Variants in PCDH15 observed in about 807,000 individuals in gnomAD.
The protein encoded by PCDH15 is protocadherin-15.
Under a neutral mutation model 178.5 loss-of-function variants are expected in PCDH15, and 129 were observed. The observed-to-expected ratio is 0.72, with a 90% CI of 0.63 to 0.84. The LOEUF is 0.84. PCDH15 is among the 40% of genes least tolerant of loss of function. The pLI is 0.00. For missense variants in PCDH15, 2,230 were observed against 2,099.9 expected (o/e 1.06, Z -1.21); for synonymous variants, 800 against 732.0 (o/e 1.09, Z -1.50).
chr10:55,295,570 T>A (rs559088478), intron 1 of PCDH15, among the ~76,000 whole-genome samples: 5 of 152,164 alleles, frequency 3.3e-5, no homozygotes, highest in African/African-American at 4.8e-5. Context: ...TAATGAAAAA[T>A]GATTTACCTA....
intron 2 of PCDH15, among the ~76,000 whole-genome samples, chr10:55,355,447 G>T (rs1185773390): frequency 6.6e-6 from 1 of 151,926 alleles, no homozygotes; most frequent in Non-Finnish European, 1.5e-5. Flanking sequence ...ATAAGTATGT[G>T]ATGGTGCCGC....
intron 18 of PCDH15, among the ~76,000 whole-genome samples, chr10:54,032,890 T>C (rs12781065): frequency 0.43 from 65,366 of 151,536 alleles, 14,860 homozygotes; most frequent in Middle Eastern, 0.61. Flanking sequence ...GCAACTTCTT[T>C]ACCTGGTGAC....
chr10:55,264,648 C>A (rs914093139), intron 1 of PCDH15, among the ~76,000 whole-genome samples: 1 of 152,246 alleles, frequency 6.6e-6, no homozygotes. Flanking sequence ...GTAACCAGTT[C>A]TCTTCACCAC....
In PCDH15 at chr10:54,664,220, T is replaced by C. The variant is rs1432539502; in HGVS notation, c.43A>G (p.Ile15Val). 5 of 1,612,168 alleles carry C rather than the reference T, an allele frequency of 3.1e-6. No individual in the cohort carries two copies. The highest frequency in any genetic ancestry group is 1.3e-5 in the African/African-American group (1 of 74,836). Residue 15 changes from isoleucine to valine, a missense_variant, in exon 2 of 38, where the codon ATC becomes GTC. Coordinates refer to ENST00000644397, the MANE Select transcript of PCDH15 (RefSeq NM_001384140.1). ...ATTTCAAAGAGAGAGCCCAGGATGATCCCTGAAGCTAAACATGTCCAGAGA... is the reference window on the plus strand; with the variant it reads ...ATTTCAAAGAGAGAGCCCAGGATGACCCCTGAAGCTAAACATGTCCAGAGA... The part of the protein sequence containing the change: ...FYLWTCLASG[I>V]ILGSLFEICL...
intron 3 of PCDH15, among the ~76,000 whole-genome samples, chr10:54,856,722 C>T (rs1953748324): frequency 6.6e-6 from 1 of 152,144 alleles, no homozygotes; most frequent in Non-Finnish European, 1.5e-5. Flanking sequence ...CTAGACCTGA[C>T]ATGTGCTTCA....
At chr10:53,968,987 A>C (rs1024788736) in intron 21 of PCDH15, among the ~76,000 whole-genome samples, 2 of 152,194 alleles carry the variant, frequency 1.3e-5, no homozygotes, top group African/African-American at 4.8e-5. Flanking sequence ...CAATGGAACA[A>C]AGCTGGATGG....
At chr10:54,423,365 A>C (rs2135875666) in intron 3 of PCDH15, among the ~76,000 whole-genome samples, 1 of 150,568 alleles carries the variant, frequency 6.6e-6, no homozygotes, top group South Asian at 2.1e-4. Flanking sequence ...GAATGGATTA[A>C]GAATCTGACA....
At chr10:55,334,330 A>T (rs185246509) in intron 2 of PCDH15, among the ~76,000 whole-genome samples, 22 of 141,418 alleles carry the variant, frequency 1.6e-4, no homozygotes, top group African/African-American at 5.9e-4. Context: ...TTTTTGAGAC[A>T]GAGTTTCGCT....
chr10:54,777,697 T>C (rs1566213889), intron 1 of PCDH15, among the ~76,000 whole-genome samples: 1 of 152,186 alleles, frequency 6.6e-6, no homozygotes, highest in African/African-American at 2.4e-5. Context: ...TAAACTTTCA[T>C]TCAGAGTTTT....
Position 53,806,645 on chromosome 10 carries a change from CTGTG to C in PCDH15, c.5153_5156del (p.Thr1718SerfsTer19), listed in dbSNP as rs757650846. The C allele has an allele frequency of 6.2e-7, 1 of 1,613,740 alleles. No homozygotes were observed. The highest frequency in any genetic ancestry group is 1.1e-5 in the South Asian group (1 of 91,074). ...CCATCCAAAGCTCTTCATCATCAGA[CTGTG>C]TGTGGTCACTATGAAATTCCAAAGC... On this transcript the variant is annotated frameshift_variant, in exon 38 of 38. Coordinates refer to ENST00000644397, the MANE Select transcript of PCDH15 (RefSeq NM_001384140.1). LOFTEE classifies it high-confidence loss of function.
chr10:54,700,553 T>C (rs956638702), intron 1 of PCDH15, among the ~76,000 whole-genome samples: 1 of 152,044 alleles, frequency 6.6e-6, no homozygotes, highest in Non-Finnish European at 1.5e-5. Flanking sequence ...AAAACTCACT[T>C]CAATAATTTC....
chr10:53,912,318 C>T (rs2133786118), intron 25 of PCDH15, among the ~76,000 whole-genome samples: 1 of 152,256 alleles, frequency 6.6e-6, no homozygotes, highest in South Asian at 2.1e-4. Context: ...GTATTTCTGA[C>T]AAATCCACAG....
In PCDH15 at chr10:55,466,312, T is replaced by C. The variant is rs1033997188; in HGVS notation, c.-156+161313A>G. Among the ~76,000 whole-genome samples, 5 of 152,132 alleles carry C rather than the reference T, an allele frequency of 3.3e-5. No homozygotes were observed. The East Asian group carries it at 7.7e-4, about 23-fold the overall frequency. ...GATATCTACTTTGGCCTAACTTTTA[T>C]GTTAAAATTCATAGATCATATAGAG... On this transcript the variant is annotated intron_variant, in intron 2 of 5. Coordinates refer to the PCDH15 transcript ENST00000613346.
At chr10:54,476,264 C>T (rs554087548) in intron 3 of PCDH15, among the ~76,000 whole-genome samples, 1 of 151,862 alleles carries the variant, frequency 6.6e-6, no homozygotes, top group Non-Finnish European at 1.5e-5. Context: ...ACTCAAGGCC[C>T]CTCATGCTGC....
At chr10:55,400,343 G>A (rs1838032628) in intron 2 of PCDH15, among the ~76,000 whole-genome samples, 1 of 152,032 alleles carries the variant, frequency 6.6e-6, no homozygotes, top group South Asian at 2.1e-4. Flanking sequence ...AAAATGTGAT[G>A]GACAAGTTAT....
intron 1 of PCDH15, among the ~76,000 whole-genome samples, chr10:55,318,332 C>CA: frequency 6.6e-6 from 1 of 152,142 alleles, no homozygotes; most frequent in African/African-American, 2.4e-5. Context: ...GGAAATAATA[C>CA]ATTACTTTGA....
chr10:54,250,717 G>T (rs1474974344), intron 8 of PCDH15, among the ~76,000 whole-genome samples: 4 of 152,226 alleles, frequency 2.6e-5, no homozygotes, highest in African/African-American at 9.6e-5. Flanking sequence ...AAATAATCTG[G>T]ATTTACGGAA....
At chr10:54,821,033 C>T (rs927870815) in intron 3 of PCDH15, among the ~76,000 whole-genome samples, 3 of 151,918 alleles carry the variant, frequency 2.0e-5, no homozygotes, top group East Asian at 1.9e-4. Context: ...CCTCTTAATA[C>T]GACTATCAAT....
At chr10:54,334,046 C>G (rs982508481) in intron 6 of PCDH15, among the ~76,000 whole-genome samples, 1 of 152,040 alleles carries the variant, frequency 6.6e-6, no homozygotes, top group Admixed American at 6.6e-5. Context: ...CTAACATTGG[C>G]TTTTTTGGGT....
Sources: allele counts gnomAD v4.1 joint callset (sites outside exome capture counted in the v4.1 genomes callset), GRCh38; gene constraint gnomAD v4.1.1; transcripts MANE v1.5; gene names NCBI Gene and HGNC (gene_info 2026-07-23, HGNC 2026-07-21).